The following WARS1 variants were observed in gnomAD, a reference collection of about 807,000 sequenced individuals.
The protein encoded by WARS1 is tryptophan--tRNA ligase, cytoplasmic.
Under a neutral mutation model 47.8 loss-of-function variants are expected in WARS1, and 17 were observed. That is an observed-to-expected ratio of 0.36 (90% confidence interval 0.24 to 0.53). The LOEUF is 0.53. WARS1 is among the 20% of genes least tolerant of loss of function. WARS1 has a pLI of 0.91. For missense variants in WARS1, 434 were observed against 608.0 expected (o/e 0.71, Z 3.01); for synonymous variants, 208 against 228.1 (o/e 0.91, Z 0.79).
rs193065739 is a variant in WARS1, at chr14:100,355,609, T to C, written c.423-1043A>G. Among the ~76,000 whole-genome samples the C allele has an allele frequency of 5.2e-4, 79 of 152,292 alleles. 1 individual carries two copies. The highest frequency in any genetic ancestry group is 1.5e-3 in the East Asian group (8 of 5,180). On this transcript the variant is annotated intron_variant, in intron 4 of 10. Coordinates refer to ENST00000392882, the MANE Select transcript of WARS1 (RefSeq NM_004184.4). ...CGCTCGAGGATGAATGTCCTTTGTTTCTGGGTAAAGTGTCCCCAAATACAA... is the reference window on the plus strand; with the variant it reads ...CGCTCGAGGATGAATGTCCTTTGTTCCTGGGTAAAGTGTCCCCAAATACAA...
intron 3 of WARS1, among the ~76,000 whole-genome samples, chr14:100,360,997 G>GTATA (rs150819452): frequency 1.3e-5 from 2 of 150,174 alleles, no homozygotes; most frequent in East Asian, 1.9e-4. Context: ...ATATAAATAG[G>GTATA]TATATATATA....
rs117582873 is a variant in WARS1 at position 100,368,000 on chromosome 14, C to T, written c.99+1087G>A. ...AGGAGCAGGAAACGGGGCACCCAAT[C>T]GACAGGGGTGAAAGAACCCCTTGGG... On this transcript the variant is annotated intron_variant, in intron 2 of 10. Transcript: ENST00000392882. Among the ~76,000 whole-genome samples the T allele has an allele frequency of 1.8e-3, 272 of 152,232 alleles. 2 individuals are homozygous for T. Among genetic ancestry groups the T allele is most frequent in the South Asian group, 9.8e-3 (47 of 4,806 alleles).
intron 4 of WARS1, among the ~76,000 whole-genome samples, chr14:100,358,827 T>C (rs1048543459): frequency 6.6e-6 from 1 of 152,052 alleles, no homozygotes; most frequent in Non-Finnish European, 1.5e-5. Flanking sequence ...TAACTAACAA[T>C]AAAAAGACAA....
rs749896038 is a variant in WARS1, at chr14:100,334,949, G to A, written c.1342C>T (p.Arg448Trp). The A allele has an allele frequency of 6.2e-6, 10 of 1,614,152 alleles. No individual in the cohort carries two copies. Among genetic ancestry groups the A allele is most frequent in the East Asian group, 2.2e-5 (1 of 44,886 alleles). The change falls in exon 11 of 11, where the codon CGG (arginine) becomes TGG (tryptophan). Residue 448 changes from arginine to tryptophan, a missense_variant. Physicochemically the swap from Arg to Trp is moderately radical, Grantham distance 101. This residue lies in a region of WARS1 where 347 missense variants were observed against 523.8 expected (regional missense o/e 0.66). Coordinates refer to ENST00000392882, the MANE Select transcript of WARS1 (RefSeq NM_004184.4). ...LQPLIAEHQA[R>W]RKEVTDEIVK... ...ATCTCATCCGTGACCTCCTTGCGCC[G>A]GGCCTGGTGCTCTGCGATCAAGGGC...
At chr14:100,372,066 C>T (rs1459319711) in intron 1 of WARS1, among the ~76,000 whole-genome samples, 1 of 152,118 alleles carries the variant, frequency 6.6e-6, no homozygotes, top group Non-Finnish European at 1.5e-5. Flanking sequence ...ACCTTGTGAC[C>T]CCTGCCACCT....
intron 6 of WARS1, among the ~76,000 whole-genome samples, chr14:100,351,245 A>G (rs952993012): frequency 2.0e-5 from 3 of 152,194 alleles, no homozygotes; most frequent in Admixed American, 2.0e-4. Flanking sequence ...TGCCAGCAGC[A>G]CTGCCTGACT....
rs1002299229 is a variant in WARS1 at position 100,353,612 on chromosome 14, G to A, written c.725+75C>T. ...GCCTTAAGACCATTTCAGTTGTTTC[G>A]AATTTAGCTGTGGTCATGACAACTT... On this transcript the variant is annotated intron_variant, in intron 6 of 10. Transcript: ENST00000392882. 8 of 1,531,438 alleles carry A rather than the reference G, an allele frequency of 5.2e-6. No individual in the cohort carries two copies. In the Admixed American group the frequency reaches 5.6e-5, roughly 11 times the overall value. 94.9% of individuals were successfully genotyped at this position (1,531,438 alleles called of 1,614,324 possible). A position where few individuals can be genotyped will look rare whatever the true frequency, so the allele number is the denominator to read the frequency against.
At chr14:100,353,515 T>TG (rs1199548658) in intron 6 of WARS1, among the ~76,000 whole-genome samples, 172 bp downstream of exon 6, 1 of 152,212 alleles carries the variant, frequency 6.6e-6, no homozygotes, top group African/African-American at 2.4e-5. Context: ...CCCAAAGTGC[T>TG]GGGATTACAG....
chr14:100,367,013 G>A, intron 2 of WARS1: 2 of 950,284 alleles, frequency 2.1e-6, no homozygotes, highest in East Asian at 2.6e-5. Context: ...GTCCCTTACA[G>A]AATATTAGTA....
At chr14:100,350,226 T>A (rs1894879145) in intron 6 of WARS1, among the ~76,000 whole-genome samples, 1 of 151,788 alleles carries the variant, frequency 6.6e-6, no homozygotes, top group African/African-American at 2.4e-5. Flanking sequence ...ACTCCGTTTC[T>A]ACTAAAAATA....
intron 9 of WARS1, chr14:100,340,638 C>T (rs565757085): frequency 2.0e-5 from 3 of 152,234 alleles, no homozygotes; most frequent in African/African-American, 7.2e-5. Context: ...GTGCCACTGC[C>T]CTGCCTGAAC....
chr14:100,345,566 T>C (rs1894547608), intron 7 of WARS1, among the ~76,000 whole-genome samples: 2 of 151,816 alleles, frequency 1.3e-5, no homozygotes, highest in African/African-American at 4.8e-5. Context: ...CCAGAGACCT[T>C]TGTTCACTTG....
intron 4 of WARS1, among the ~76,000 whole-genome samples, chr14:100,355,315 G>C (rs1193870441): frequency 6.6e-6 from 1 of 151,998 alleles, no homozygotes; most frequent in Non-Finnish European, 1.5e-5. Flanking sequence ...CTGCCTCCTG[G>C]GTTCAAGCGA....
At chr14:100,340,745 A>G (rs1280856306) in intron 9 of WARS1, among the ~76,000 whole-genome samples, 1 of 152,042 alleles carries the variant, frequency 6.6e-6, no homozygotes, top group Non-Finnish European at 1.5e-5. Context: ...ATTTAGAGTG[A>G]GGGCCTGGGC....
chr14:100,368,815 GC>G lies in WARS1; in HGVS notation c.99+271del, dbSNP rs1186556305. 9.9e-5 allele frequency among the ~76,000 whole-genome samples: 15 copies of G among 152,282 alleles called. No individual in the cohort carries two copies. The East Asian group carries it at 2.7e-3, about 28-fold the overall frequency. ...CATCTCTACTAAAAATACAAAATTA[GC>G]TGGGTGTGGTGGTGCATGCCTGTAA... On this transcript the variant is annotated intron_variant, in intron 2 of 10. Coordinates refer to ENST00000392882, the MANE Select transcript of WARS1 (RefSeq NM_004184.4).
upstream of WARS1, chr14:100,375,666 T>G: frequency 1.3e-5 from 2 of 151,842 alleles, no homozygotes; most frequent in South Asian, 2.1e-4. Context: ...CCTCTTCCCG[T>G]TCCCCACCCT....
intron 9 of WARS1, 105 bp downstream of exon 9, chr14:100,342,285 CGGTGGCTG>C: frequency 4.1e-6 from 6 of 1,453,046 alleles, no homozygotes; most frequent in Non-Finnish European, 5.7e-6. Flanking sequence ...AGCATTGCTA[CGGTGGCTG>C]GGTGGCTGAG....
intron 2 of WARS1, chr14:100,365,722 G>T (rs1375305029): frequency 6.0e-6 from 1 of 167,020 alleles, no homozygotes; most frequent in African/African-American, 3.0e-5. Context: ...CAAAAGCAGA[G>T]ATCTTCTTTT....
chr14:100,342,223 G>A, intron 9 of WARS1, 175 bp downstream of exon 9: 1 of 796,184 alleles, frequency 1.3e-6, no homozygotes, highest in Non-Finnish European at 2.1e-6. Flanking sequence ...CATGTGGGAA[G>A]GACAGGCTGC....
Sources: allele counts gnomAD v4.1 joint callset (sites outside exome capture counted in the v4.1 genomes callset), GRCh38; gene constraint gnomAD v4.1.1; regional missense constraint gnomAD v4.1.1; transcripts MANE v1.5; gene names NCBI Gene and HGNC (gene_info 2026-07-23, HGNC 2026-07-21).